C3: variants seen among roughly 807,000 people sequenced by gnomAD.
C3 encodes C3 and PZP-like alpha-2-macroglobulin domain-containing protein 1.
In C3, 97 loss-of-function variants were observed where a neutral mutation model predicts 207.9. That is an observed-to-expected ratio of 0.47 (90% confidence interval 0.40 to 0.55). The LOEUF (loss-of-function observed/expected upper bound fraction) is 0.55. C3 is among the 20% of genes least tolerant of loss of function. C3 has a pLI of 0.00. For synonymous variants in C3, 848 were observed against 857.6 expected (o/e 0.99, Z 0.20); for missense variants, 1,684 against 2,171.7 (o/e 0.78, Z 4.46).
At chr19:6,686,609 A>G in intron 28 of C3, 137 bp downstream of exon 28, 1 of 962,844 alleles carries the variant, frequency 1.0e-6, no homozygotes, top group Admixed American at 1.7e-5. Flanking sequence ...CCAGCTTGAT[A>G]CCTTAGGACT....
At chr19:6,698,173 T>G (rs1410321940) in intron 19 of C3, among the ~76,000 whole-genome samples, 2 of 151,936 alleles carry the variant, frequency 1.3e-5, no homozygotes, top group Non-Finnish European at 2.9e-5. Flanking sequence ...CGCACCACCA[T>G]GTCCAGCTAA....
At chr19:6,693,258 C>T (rs993431058) in intron 25 of C3, among the ~76,000 whole-genome samples, 154 bp downstream of exon 25, 26 of 152,220 alleles carry the variant, frequency 1.7e-4, no homozygotes, top group East Asian at 3.9e-4. Context: ...GCTTAATGAC[C>T]GCCGGCCACT....
chr19:6,679,052 C>G (rs935822386), intron 38 of C3, 73 bp downstream of exon 38: 1 of 1,203,966 alleles, frequency 8.3e-7, no homozygotes, highest in Admixed American at 1.7e-5. Flanking sequence ...CCATGACAAC[C>G]ACACCTACCA....
chr19:6,707,589 C>A (rs761741836), intron 15 of C3, 52 bp from the exon 16 acceptor site: 14 of 1,596,658 alleles, frequency 8.8e-6, no homozygotes, highest in Non-Finnish European at 1.1e-5. Flanking sequence ...TACTAGGTGT[C>A]CTCGGTTCAC....
chr19:6,689,544 C>T (rs531784844), intron 27 of C3, among the ~76,000 whole-genome samples: 1 of 152,124 alleles, frequency 6.6e-6, no homozygotes, highest in African/African-American at 2.4e-5. Flanking sequence ...GTTAAACAAC[C>T]CACTCAAAAC....
chr19:6,702,330 G>T, intron 18 of C3, 118 bp from the exon 19 acceptor site: 1 of 938,666 alleles, frequency 1.1e-6, no homozygotes, highest in Non-Finnish European at 1.7e-6. Context: ...GTGCCTCCAT[G>T]TAGGTCACCC....
intron 26 of C3, among the ~76,000 whole-genome samples, chr19:6,692,501 T>G (rs11569494): frequency 5.9e-5 from 9 of 152,008 alleles, no homozygotes; most frequent in African/African-American, 2.2e-4. Flanking sequence ...CAGGAGGTGG[T>G]TTCTACAAGG....
chr19:6,686,259 C>T lies in C3; in HGVS notation c.3675G>A (p.Lys1225=). 6.2e-7 allele frequency: 1 copy of T among 1,614,134 alleles called. No homozygotes were observed. The highest frequency in any genetic ancestry group is 1.1e-5 in the South Asian group (1 of 91,074). The change falls in exon 29 of 41, where the codon AAG becomes AAA. Residue 1225 remains lysine, a synonymous_variant. Coordinates refer to ENST00000245907, the MANE Select transcript of C3 (RefSeq NM_000064.4). ...KDKNRWEDPG[K]QLYNVEATSY... is the part of the protein sequence containing the mutation. ...ATGTGGCCTCCACGTTGTAGAGCTGCTTACCAGGGTCCTCCCAGCGGTTCT... is the reference window on the plus strand; with the variant it reads ...ATGTGGCCTCCACGTTGTAGAGCTGTTTACCAGGGTCCTCCCAGCGGTTCT...
intron 23 of C3, among the ~76,000 whole-genome samples, chr19:6,695,139 G>A (rs561898831): frequency 5.0e-4 from 76 of 151,714 alleles, no homozygotes; most frequent in Non-Finnish European, 1.0e-3. Context: ...GCATGGTGGC[G>A]GGCGCCTGTA....
At chr19:6,699,457 G>A (rs1351835910) in intron 19 of C3, among the ~76,000 whole-genome samples, 5 of 152,076 alleles carry the variant, frequency 3.3e-5, no homozygotes, top group Admixed American at 2.0e-4. Context: ...AGCATCCTGC[G>A]CTGGGCGCGG....
chr19:6,717,764 T>C, intron 4 of C3: 1 of 479,912 alleles, frequency 2.1e-6, no homozygotes, highest in Non-Finnish European at 3.9e-6. Context: ...GTCATGCACG[T>C]TGTGCTGTGT....
chr19:6,710,681 G>C lies in C3; in HGVS notation c.1644C>G (p.Ala548=), dbSNP rs753526034. 2.0e-5 allele frequency: 32 copies of C among 1,613,288 alleles called. No homozygotes were observed. The highest frequency in any genetic ancestry group is 2.7e-5 in the Non-Finnish European group (32 of 1,179,918). ...IGASGQREVV[A]DSVWVDVKDS... ...CCTTGACGTCCACCCACACGGAGTC[G>C]GCCACCACCTCCCTCTGGCCGCTGG... Residue 548 remains alanine (A), a synonymous_variant, in exon 13 of 41, where the codon GCC becomes GCG. Transcript: ENST00000245907.
chr19:6,700,835 AATAT>A (rs2145416352), intron 19 of C3, among the ~76,000 whole-genome samples: 1 of 146,710 alleles, frequency 6.8e-6, no homozygotes, highest in South Asian at 2.1e-4. Context: ...ACAATTAATA[AATAT>A]ATAAATAAAT....
In C3 at chr19:6,678,395, G is replaced by A. The variant is rs777040887; in HGVS notation, c.4691C>T (p.Ala1564Val). 6.2e-7 allele frequency: 1 copy of A among 1,614,144 alleles called. No homozygotes were observed. Reference sequence around the variant, plus strand: ...ACCTGACTTGATGGTCTGCTCAATGGCCATGATGTACTCGTCAAAGTCATT... The same window carrying A: ...ACCTGACTTGATGGTCTGCTCAATGACCATGATGTACTCGTCAAAGTCATT... ...LSNDFDEYIM[A>V]IEQTIKSGSD... Residue 1564 changes from alanine to valine, a missense_variant, in exon 39 of 41, where the codon GCC becomes GTC. Around this residue, in one of 3 missense-constraint regions of C3, gnomAD observed 346 missense variants for 380.1 expected, o/e 0.91. Transcript: ENST00000245907.
At chr19:6,687,204 G>A (rs1918031838) in intron 27 of C3, among the ~76,000 whole-genome samples, 1 of 96,826 alleles carries the variant, frequency 1.0e-5, no homozygotes, top group Non-Finnish European at 2.0e-5. Context: ...TACAATTTCT[G>A]TGGTGTAAAT....
At chr19:6,683,250 T>C (rs1299679051) in intron 33 of C3, 1 of 151,978 alleles carries the variant, frequency 6.6e-6, no homozygotes, top group East Asian at 1.9e-4. Flanking sequence ...GTTTACTCCA[T>C]GTTGTAAATT....
chr19:6,697,042 A>AAAAAAAAAAAAAAT (rs1491393453), intron 21 of C3, among the ~76,000 whole-genome samples: 1 of 71,710 alleles, frequency 1.4e-5, no homozygotes, highest in African/African-American at 5.7e-5. Flanking sequence ...ACTCTGTCTC[A>AAAAAAAAAAAAAAT]AAAAAATAAA....
At chr19:6,703,692 G>A (rs1967718125) in intron 17 of C3, among the ~76,000 whole-genome samples, 1 of 152,166 alleles carries the variant, frequency 6.6e-6, no homozygotes, top group Non-Finnish European at 1.5e-5. Flanking sequence ...TGCTTCCTCT[G>A]AGGGATTTGT....
chr19:6,679,100 T>G (rs1247785122), intron 38 of C3, 25 bp downstream of exon 38: 1 of 1,575,256 alleles, frequency 6.3e-7, no homozygotes, highest in African/African-American at 1.3e-5. Context: ...TAAACATGCG[T>G]GACCCCCACC....
Sources: gnomAD v4.1 joint callset for allele counts (sites outside exome capture counted in the v4.1 genomes callset) on GRCh38, gnomAD v4.1.1 for gene constraint, gnomAD v4.1.1 regional missense constraint, MANE v1.5 for transcripts, NCBI Gene and HGNC (gene_info 2026-07-23, HGNC 2026-07-21) for gene names.